FRYL: variants seen among roughly 807,000 people sequenced by gnomAD.
FRYL encodes protein furry homolog-like.
In FRYL, 150 loss-of-function variants were observed where a neutral mutation model predicts 351.2. The observed-to-expected ratio is 0.43, with a 90% confidence interval of 0.37 to 0.49. The LOEUF (loss-of-function observed/expected upper bound fraction) is 0.49. Among genes scored for constraint, FRYL ranks in the 20% least tolerant of loss-of-function variants. FRYL has a pLI of 0.00. For synonymous variants in FRYL, 1,153 were observed against 1,257.1 expected, an observed-to-expected ratio of 0.92 and a Z score of 1.75; for missense variants, 3,036 against 3,619.3, an observed-to-expected ratio of 0.84 and a Z score of 4.13.
chr4:48,622,435 C>T (rs959797312), intron 5 of FRYL, among the ~76,000 whole-genome samples: 1 of 152,150 alleles, frequency 6.6e-6, no homozygotes, highest in Non-Finnish European at 1.5e-5. Context: ...GGGGCCAGAG[C>T]ACCACCCTCA....
At position 48,606,482 on chromosome 4, in the gene FRYL, T is replaced by C. The variant is rs1265533918; in HGVS notation, c.697A>G (p.Met233Val). 2.5e-6 allele frequency: 4 copies of C among 1,612,408 alleles called. No individual in the cohort carries two copies. Among genetic ancestry groups the C allele is most frequent in the Non-Finnish European group, 3.4e-6 (4 of 1,178,842 alleles). The change falls in exon 10 of 64, where the codon ATG becomes GTG. Residue 233 changes from methionine to valine, a missense_variant. By Grantham distance (21) the Met-to-Val change is conservative. Transcript: ENST00000358350. ...IMGMKFFRVK[M>V]YPVEDFEASF... ...GCTTCAAAATCTTCTACAGGATACA[T>C]TTTTACTCGAAAAAATTTCATTCCC...
chr4:48,643,981 T>C (rs1342276608), intron 3 of FRYL, among the ~76,000 whole-genome samples: 2 of 152,178 alleles, frequency 1.3e-5, no homozygotes, highest in South Asian at 2.1e-4. Flanking sequence ...TGCGCTCTTA[T>C]TGTCCAGGCT....
Position 48,595,703 on chromosome 4 carries a change from AG to A in FRYL, c.1140-6del. ...GACACTATGCTCATAAGACGACTAC[AG>A]GGAAAAAGATCTAGTCATAGTGAGA... On this transcript the variant is annotated splice_polypyrimidine_tract_variant and splice_region_variant and intron_variant, in intron 14 of 63. Transcript: ENST00000358350. 6.3e-7 allele frequency: 1 copy of A among 1,585,656 alleles called. No individual in the cohort carries two copies. The highest frequency in any genetic ancestry group is 8.6e-7 in the Non-Finnish European group (1 of 1,157,884).
rs1733317874 is a variant in FRYL, at chr4:48,553,375, C to G, written c.4275G>C (p.Lys1425Asn). 6.2e-7 allele frequency: 1 copy of G among 1,603,214 alleles called. No individual in the cohort carries two copies. Among genetic ancestry groups the G allele is most frequent in the Non-Finnish European group, 8.5e-7 (1 of 1,175,828 alleles). ...SEPSLLPYVK[K>N]VIVYLGRDKT... ...TATCTCTACCTAAATATACAATGACCTTCTTCACCTGTCACAAAAGAAATC... is the reference window on the plus strand; with the variant it reads ...TATCTCTACCTAAATATACAATGACGTTCTTCACCTGTCACAAAAGAAATC... The change falls in exon 36 of 64, where the codon AAG (lysine) becomes AAC (asparagine). Residue 1425 changes from lysine (K) to asparagine (N), a missense_variant. By Grantham distance (94) the Lys-to-Asn change is moderately conservative. Around this residue, in one of 7 missense-constraint regions of FRYL, gnomAD observed 1,987 missense variants for 2,311.7 expected, o/e 0.86. Transcript: ENST00000358350.
chr4:48,632,055 C>CAAAAAA (rs71660455), intron 4 of FRYL, among the ~76,000 whole-genome samples: 1 of 22,602 alleles, frequency 4.4e-5, no homozygotes, highest in African/African-American at 1.8e-4. Context: ...CCTGTCTCTC[C>CAAAAAA]AAAAAAAAAA....
chr4:48,672,321 C>G lies in FRYL; in HGVS notation c.-81+12352G>C, dbSNP rs1271514659. 3.9e-5 allele frequency among the ~76,000 whole-genome samples: 6 copies of G among 152,192 alleles called. No homozygotes were observed. In the East Asian group the frequency reaches 1.2e-3, roughly 29 times the overall value. On this transcript the variant is annotated intron_variant, in intron 3 of 63. Transcript: ENST00000358350. The stretch of plus-strand genomic sequence containing the variant: ...AACATTTCACTGCCTGGCCCCCCAT[C>G]ATGACTGTAGGTATTCCCAATATTC...
intron 27 of FRYL, among the ~76,000 whole-genome samples, chr4:48,568,137 C>T (rs1162466971): frequency 7.2e-5 from 11 of 152,124 alleles, no homozygotes; most frequent in South Asian, 4.1e-4. Flanking sequence ...TGGTGGTGCA[C>T]GCCTGTAGTC....
At chr4:48,761,343 T>C (rs1047756218) in intron 1 of FRYL, among the ~76,000 whole-genome samples, 2 of 152,168 alleles carry the variant, frequency 1.3e-5, no homozygotes, top group Non-Finnish European at 2.9e-5. Flanking sequence ...CAACGACTGA[T>C]TATAATTGGT....
rs573585035 is a variant in FRYL, at chr4:48,639,667, A to C, written c.-80-5177T>G. ...ATCAAAACCATGATCCAGGGAAAAA[A>C]ATTATTAAAATGAAGCCTCGAGCTC... On this transcript the variant is annotated intron_variant, in intron 3 of 63. Transcript: ENST00000358350. Among the ~76,000 whole-genome samples, 49 of 152,160 alleles carry C rather than the reference A, an allele frequency of 3.2e-4. 1 individual carries two copies. The highest frequency in any genetic ancestry group is 1.2e-3 in the African/African-American group (49 of 41,530).
intron 1 of FRYL, among the ~76,000 whole-genome samples, chr4:48,712,317 T>C (rs1438622253): frequency 6.6e-6 from 1 of 151,824 alleles, no homozygotes; most frequent in Non-Finnish European, 1.5e-5. Context: ...TTAAAAACTT[T>C]GAAAAAAATT....
intron 50 of FRYL, among the ~76,000 whole-genome samples, chr4:48,529,111 C>T (rs1056714397): frequency 1.5e-4 from 23 of 152,130 alleles, no homozygotes; most frequent in African/African-American, 4.3e-4. Flanking sequence ...TTTATAGACC[C>T]GTGTTTTAGC....
At chr4:48,550,749 G>T in intron 37 of FRYL, 45 bp from the exon 38 acceptor site, 2 of 1,261,948 alleles carry the variant, frequency 1.6e-6, no homozygotes, top group Non-Finnish European at 2.3e-6. Context: ...ACGGTGCAAT[G>T]GTATTTATAC....
chr4:48,515,433 T>A (rs1311992851), intron 55 of FRYL, among the ~76,000 whole-genome samples, 158 bp from the exon 56 acceptor site: 1 of 152,196 alleles, frequency 6.6e-6, no homozygotes, highest in Non-Finnish European at 1.5e-5. Flanking sequence ...AATGGCGTGA[T>A]CTTGGCTCAC....
chr4:48,527,948 C>A lies in FRYL; in HGVS notation c.7140+23G>T, dbSNP rs752951767. On this transcript the variant is annotated intron_variant, in intron 52 of 63. Coordinates refer to ENST00000358350, the MANE Select transcript of FRYL (RefSeq NM_015030.2). ...AATAACATGATCTTTAAGACCTTGA[C>A]ACAGGTCTTCATGATTACTCACTGA... 8 of 1,504,160 alleles carry A rather than the reference C, an allele frequency of 5.3e-6. No homozygotes were observed. In the Admixed American group the frequency reaches 1.6e-4, roughly 29 times the overall value. 93.2% of individuals were successfully genotyped at this position (1,504,160 alleles called of 1,614,324 possible).
At chr4:48,545,403 G>A (rs972141374) in intron 42 of FRYL, among the ~76,000 whole-genome samples, 9 of 152,052 alleles carry the variant, frequency 5.9e-5, no homozygotes, top group Non-Finnish European at 1.0e-4. Context: ...CTGAGAACCT[G>A]CTACGCACTG....
chr4:48,544,212 C>T (rs1042531762), intron 43 of FRYL, among the ~76,000 whole-genome samples: 1 of 152,180 alleles, frequency 6.6e-6, no homozygotes, highest in Middle Eastern at 3.2e-3. Flanking sequence ...GGTTTCTCAA[C>T]CTTGGCACTA....
chr4:48,501,651 T>A lies in FRYL; in HGVS notation c.8564A>T (p.Gln2855Leu). ...TGCTTCATTTTTTATCGTATTTACTTGGTTGATAAGTTTACAGTAGGCCTG... is the reference window on the plus strand; with the variant it reads ...TGCTTCATTTTTTATCGTATTTACTAGGTTGATAAGTTTACAGTAGGCCTG... ...LFQAYCKLINQVNTIKNEAEV... is the reference protein window; with the variant it reads ...LFQAYCKLINLVNTIKNEAEV... Residue 2855 changes from glutamine to leucine, a missense_variant, in exon 62 of 64, where the codon CAA (glutamine) becomes CTA (leucine). By Grantham distance (113) the Gln-to-Leu change is moderately radical. Transcript: ENST00000358350. 1 of 1,602,936 alleles carries A rather than the reference T, an allele frequency of 6.2e-7. No homozygotes were observed. Among genetic ancestry groups the A allele is most frequent in the East Asian group, 2.2e-5 (1 of 44,698 alleles).
intron 3 of FRYL, among the ~76,000 whole-genome samples, chr4:48,644,643 C>A (rs1756029729): frequency 6.6e-6 from 1 of 151,566 alleles, no homozygotes; most frequent in South Asian, 2.1e-4. Context: ...TACTCAAAAA[C>A]CAAAGTCCAT....
At position 48,780,105 on chromosome 4, in the gene FRYL, C is replaced by T. The variant is rs1280818716; in HGVS notation, c.-411G>A. The T allele has an allele frequency of 6.5e-6, 1 of 154,508 alleles. No homozygotes were observed. The highest frequency in any genetic ancestry group is 1.4e-5 in the Non-Finnish European group (1 of 69,784). 9.6% of individuals were successfully genotyped at this position (154,508 alleles called of 1,614,324 possible). On this transcript the variant is annotated 5_prime_UTR_variant, in exon 1 of 64. Coordinates refer to ENST00000358350, the MANE Select transcript of FRYL (RefSeq NM_015030.2). Reference sequence around the variant, plus strand: ...GTTCCCAGTCCTAGTACAGCTGCCTCGCTCCTCCAGCGCCGCCGGTCCCCG... The same window carrying T: ...GTTCCCAGTCCTAGTACAGCTGCCTTGCTCCTCCAGCGCCGCCGGTCCCCG...
Sources: gnomAD v4.1 joint callset for allele counts (sites outside exome capture counted in the v4.1 genomes callset) on GRCh38, gnomAD v4.1.1 for gene constraint, gnomAD v4.1.1 regional missense constraint, MANE v1.5 for transcripts, NCBI Gene and HGNC (gene_info 2026-07-23, HGNC 2026-07-21) for gene names.